S100Z: variants seen among roughly 807,000 people sequenced by gnomAD.
The protein encoded by S100Z is protein S100-Z.
A neutral mutation model predicts 8.5 loss-of-function variants in S100Z; 11 were observed. That is an observed-to-expected ratio of 1.30 (90% confidence interval 0.82 to 2.15). The LOEUF (loss-of-function observed/expected upper bound fraction) is 2.15, where lower values mean the gene tolerates loss of function less well. Among genes scored for constraint, S100Z ranks in the 30% most tolerant of loss-of-function variants. The probability of loss-of-function intolerance (pLI) is 0.00; values close to 1 mark genes in which losing one functional copy is unlikely to be tolerated. For missense variants in S100Z, 126 were observed against 117.9 expected (o/e 1.07, Z -0.32); for synonymous variants, 34 against 43.8 (o/e 0.78, Z 0.89).
At chr5:76,923,574 A>C (rs891731204), downstream of S100Z, among the ~76,000 whole-genome samples, 26 of 151,914 alleles carry the variant, frequency 1.7e-4, no homozygotes, top group African/African-American at 6.0e-4. Flanking sequence ...AATGCAAGAT[A>C]CCCTCCCACC....
At chr5:76,853,775 T>TGGAGTGCAA (rs1459913815) in intron 1 of S100Z, among the ~76,000 whole-genome samples, 1 of 149,612 alleles carries the variant, frequency 6.7e-6, no homozygotes, top group Non-Finnish European at 1.5e-5. Context: ...CCAGCCTGGG[T>TGGAGTGCAA]GACAGTGCAA....
At chr5:76,865,697 T>A (rs1275418586) in intron 1 of S100Z, among the ~76,000 whole-genome samples, 1 of 151,834 alleles carries the variant, frequency 6.6e-6, no homozygotes, top group Admixed American at 6.6e-5. Context: ...TCAAAAAGTT[T>A]AAAAAATTTA....
In S100Z at chr5:76,876,537, T is replaced by A. The variant is rs140527565; in HGVS notation, c.141+1037T>A. On this transcript the variant is annotated intron_variant, in intron 3 of 4. Coordinates refer to ENST00000317593, the MANE Select transcript of S100Z (RefSeq NM_130772.4). ...GCATGCACCACGACACCCAGCTAAG[T>A]TTTTTGTATTTTTAGTAGAGACAGA... is the stretch of plus-strand genomic sequence containing the variant. Among the ~76,000 whole-genome samples the A allele has an allele frequency of 3.1e-3, 466 of 151,942 alleles. 1 individual carries two copies. Among genetic ancestry groups the A allele is most frequent in the African/African-American group, 0.011 (440 of 41,420 alleles).
chr5:76,908,046 A>T (rs1744519134), intron 4 of S100Z, among the ~76,000 whole-genome samples: 1 of 152,048 alleles, frequency 6.6e-6, no homozygotes, highest in South Asian at 2.1e-4. Context: ...TGGGAAGACT[A>T]CCTGACCCTG....
intron 4 of S100Z, among the ~76,000 whole-genome samples, chr5:76,919,359 T>C (rs1403552158): frequency 6.6e-6 from 1 of 152,226 alleles, no homozygotes. Flanking sequence ...TTTGGTGTTA[T>C]CAGTGTTTTG....
chr5:76,879,753 G>A (rs958421071), intron 4 of S100Z, among the ~76,000 whole-genome samples: 6 of 152,192 alleles, frequency 3.9e-5, no homozygotes, highest in African/African-American at 1.2e-4. Context: ...AAGAGGCATG[G>A]CCAGGGAGAA....
chr5:76,859,566 A>AG (rs1750990075), intron 1 of S100Z, among the ~76,000 whole-genome samples: 3 of 152,124 alleles, frequency 2.0e-5, no homozygotes, highest in African/African-American at 7.2e-5. Context: ...AGATCACCTG[A>AG]GGTCAGGAGT....
intron 1 of S100Z, among the ~76,000 whole-genome samples, chr5:76,855,449 G>A (rs2150619259): frequency 6.6e-6 from 1 of 152,304 alleles, no homozygotes; most frequent in Middle Eastern, 3.4e-3. Flanking sequence ...TTGCAGCAGT[G>A]TGCCCTGAGA....
chr5:76,891,158 C>T (rs951362895), intron 4 of S100Z, among the ~76,000 whole-genome samples: 3 of 152,210 alleles, frequency 2.0e-5, no homozygotes, highest in Non-Finnish European at 2.9e-5. Context: ...CCACCATGCC[C>T]GGCCCCCAGT....
chr5:76,909,583 T>G (rs1020748048), intron 4 of S100Z, among the ~76,000 whole-genome samples: 6 of 152,098 alleles, frequency 3.9e-5, no homozygotes, highest in Admixed American at 6.6e-5. Context: ...ATAGCTCCCC[T>G]TCCTATTAAT....
chr5:76,856,334 G>A (rs1750880524), intron 1 of S100Z, among the ~76,000 whole-genome samples: 1 of 152,124 alleles, frequency 6.6e-6, no homozygotes, highest in Non-Finnish European at 1.5e-5. Context: ...TGAGTAGCTG[G>A]GACTACAGGT....
At chr5:76,862,643 A>G (rs1185082930) in intron 1 of S100Z, among the ~76,000 whole-genome samples, 1 of 152,070 alleles carries the variant, frequency 6.6e-6, no homozygotes, top group East Asian at 1.9e-4. Context: ...TACTATAAAT[A>G]TAAAAAAAAT....
At chr5:76,949,914 G>C in the S100Z span, among the ~76,000 whole-genome samples, 3 of 152,196 alleles carry the variant, frequency 2.0e-5, no homozygotes, top group African/African-American at 7.2e-5. Context: ...TGATAATATT[G>C]TGTTGTGCAC....
chr5:76,918,794 G>A (rs1296315575), intron 4 of S100Z, among the ~76,000 whole-genome samples: 1 of 152,176 alleles, frequency 6.6e-6, no homozygotes, highest in Non-Finnish European at 1.5e-5. Context: ...CACTGTTACA[G>A]TATGATACAC....
At chr5:76,949,953 G>A in the S100Z span, among the ~76,000 whole-genome samples, 17 of 151,306 alleles carry the variant, frequency 1.1e-4, no homozygotes, top group South Asian at 1.0e-3. Flanking sequence ...AGTAGATCTC[G>A]TGTTTTAACT....
Position 76,921,439 on chromosome 5 carries a change from A to C in S100Z, c.*725A>C, listed in dbSNP as rs1295868863. ...TACAAATGAAGAAATAAAGTCCCAG[A>C]AGGTAACAGAGATAGAACTAGGCAC... On this transcript the variant is annotated 3_prime_UTR_variant, in exon 5 of 5. Coordinates refer to ENST00000317593, the MANE Select transcript of S100Z (RefSeq NM_130772.4). The C allele has an allele frequency of 6.6e-6, 1 of 152,218 alleles. No homozygotes were observed. 9.4% of individuals were successfully genotyped at this position (152,218 alleles called of 1,614,324 possible). A position where few individuals can be genotyped will look rare whatever the true frequency, so the allele number is the denominator to read the frequency against.
At chr5:76,887,546 C>T (rs1743691668) in intron 4 of S100Z, among the ~76,000 whole-genome samples, 1 of 151,956 alleles carries the variant, frequency 6.6e-6, no homozygotes, top group Admixed American at 6.6e-5. Context: ...ATCACAGGCA[C>T]ACCACCACGC....
intron 4 of S100Z, among the ~76,000 whole-genome samples, chr5:76,920,274 T>C (rs1050971046): frequency 2.0e-5 from 3 of 152,228 alleles, no homozygotes; most frequent in Admixed American, 6.5e-5. Flanking sequence ...TCTTTGCATA[T>C]TTTGGATAAG....
chr5:76,896,278 G>C (rs1032386800), intron 4 of S100Z, among the ~76,000 whole-genome samples: 2 of 152,094 alleles, frequency 1.3e-5, no homozygotes, highest in African/African-American at 4.8e-5. Flanking sequence ...AATAAGTGAG[G>C]ACATGCGATG....
Sources: gnomAD v4.1 joint callset for allele counts (sites outside exome capture counted in the v4.1 genomes callset) on GRCh38, gnomAD v4.1.1 for gene constraint, MANE v1.5 for transcripts, NCBI Gene and HGNC (gene_info 2026-07-23, HGNC 2026-07-21) for gene names.